The following GPR101 variants were observed in gnomAD, a reference collection of about 807,000 sequenced individuals.
GPR101 encodes the protein G protein-coupled receptor 101, also known as probable G protein-coupled receptor 101.
Under a neutral mutation model 16.4 loss-of-function variants are expected in GPR101, and 8 were observed. The ratio of observed to expected loss-of-function variants is 0.49; its 90% CI spans 0.29 to 0.88. The LOEUF is 0.88. Ranked by LOEUF, GPR101 falls within the 40% of genes least tolerant of loss-of-function variation. The pLI is 0.09. For missense variants in GPR101, 375 were observed against 411.7 expected (o/e 0.91, Z 0.77); for synonymous variants, 155 against 168.7 (o/e 0.92, Z 0.63).
intron 1 of GPR101, among the ~76,000 whole-genome samples, chrX:137,032,371 C>T (rs1927285161): frequency 9.0e-6 from 1 of 111,311 alleles, no homozygotes. Context: ...CTTGCGCTCT[C>T]GCTCCCTATC....
At position 137,031,072 on chromosome X, in the gene GPR101, G is replaced by A. The variant is rs759521947; in HGVS notation, c.603C>T (p.Ile201=). ...CAATCATGACAATCAGTGGAATGAC[G>A]ATGAAGGACACCACGCTGAGAATAG... ...SYTILSVVSF[I]VIPLIVMIAC... The change falls in exon 2 of 2, where the codon ATC becomes ATT. Residue 201 remains isoleucine, a synonymous_variant. Coordinates refer to ENST00000651716, the MANE Select transcript of GPR101 (RefSeq NM_054021.2). 7 of 1,211,967 alleles carry A rather than the reference G, an allele frequency of 5.8e-6. No homozygotes were observed. The highest frequency in any genetic ancestry group is 1.7e-5 in the African/African-American group (1 of 57,900).
rs1927136598 is a variant in GPR101 at position 137,024,338 on chromosome X, A to C, written c.*5810T>G. Among the ~76,000 whole-genome samples the C allele has an allele frequency of 8.9e-6, 1 of 112,207 alleles. No individual in the cohort carries two copies. The highest frequency in any genetic ancestry group is 3.2e-5 in the African/African-American group (1 of 30,875). On this transcript the variant is annotated 3_prime_UTR_variant, in exon 2 of 2. Transcript: ENST00000651716. ...AATGGGAACTTGGCCTCAGGACTGT[A>C]GTTTGACAATCCTTTGAGAAGGCAC...
chrX:137,030,534 G>A lies in GPR101; in HGVS notation c.1141C>T (p.Arg381Cys), dbSNP rs137929096. 67 of 1,208,500 alleles carry A rather than the reference G, an allele frequency of 5.5e-5. No homozygotes were observed. The highest frequency in any genetic ancestry group is 1.8e-4 in the African/African-American group (10 of 56,896). ...AGAGGAGGGTTGCTGTTGCTGTTAC[G>A]ACGACTGGGTGGGAGGCTCTCCGGG... is the stretch of plus-strand genomic sequence containing the variant. ...NIPESLPPSR[R>C]NSNSNPPLPR... Residue 381 changes from arginine to cysteine, a missense_variant, in exon 2 of 2, where the codon CGT (arginine) becomes TGT (cysteine). By Grantham distance (180) the Arg-to-Cys change is radical (BLOSUM62 -3). Coordinates refer to ENST00000651716, the MANE Select transcript of GPR101 (RefSeq NM_054021.2).
In GPR101 at chrX:137,025,337, C is replaced by T. The variant is rs1927154782; in HGVS notation, c.*4811G>A. On this transcript the variant is annotated 3_prime_UTR_variant, in exon 2 of 2. Transcript: ENST00000651716. ...TTGAGGACAACACTATCTACAAACA[C>T]AATCTAATATCTAGCACCGTATCTC... is the stretch of plus-strand genomic sequence containing the variant. 8.9e-6 allele frequency among the ~76,000 whole-genome samples: 1 copy of T among 112,351 alleles called. No homozygotes were observed. The highest frequency in any genetic ancestry group is 3.2e-5 in the African/African-American group (1 of 30,896).
rs1927142155 is a variant in GPR101, at chrX:137,024,708, T to C, written c.*5440A>G. Among the ~76,000 whole-genome samples, 1 of 111,068 alleles carries C rather than the reference T, an allele frequency of 9.0e-6. No homozygotes were observed. Among genetic ancestry groups the C allele is most frequent in the Admixed American group, 9.6e-5 (1 of 10,381 alleles). On this transcript the variant is annotated 3_prime_UTR_variant, in exon 2 of 2. Coordinates refer to ENST00000651716, the MANE Select transcript of GPR101 (RefSeq NM_054021.2). ...ACCTCTCTATCTAGTTAGCCATCCA[T>C]GCTGTCTCTATCTTGTCTCTCAGAC...
Position 137,027,661 on chromosome X carries a change from T to C in GPR101, c.*2487A>G, listed in dbSNP as rs1275818917. On this transcript the variant is annotated 3_prime_UTR_variant, in exon 2 of 2. Coordinates refer to ENST00000651716, the MANE Select transcript of GPR101 (RefSeq NM_054021.2). Reference sequence around the variant, plus strand: ...TGAGGAATCCAATTTACCAAAATAATGGACAATGACTAAAATAGGGAAAAG... The same window carrying C: ...TGAGGAATCCAATTTACCAAAATAACGGACAATGACTAAAATAGGGAAAAG... Among the ~76,000 whole-genome samples, 5 of 111,882 alleles carry C rather than the reference T, an allele frequency of 4.5e-5. No homozygotes were observed.
chrX:137,030,915 C>T lies in GPR101; in HGVS notation c.760G>A (p.Glu254Lys), dbSNP rs570565842. The change falls in exon 2 of 2, where the codon GAG becomes AAG. Residue 254 changes from glutamate (E) to lysine (K), a missense_variant. Transcript: ENST00000651716. ...NEDEEGAEKK[E>K]EFQDESEFRR... Reference sequence around the variant, plus strand: ...AACTCACTCTCATCCTGGAACTCCTCCTTCTTCTCTGCTCCCTCTTCATCC... The same window carrying T: ...AACTCACTCTCATCCTGGAACTCCTTCTTCTTCTCTGCTCCCTCTTCATCC... The T allele has an allele frequency of 1.9e-5, 23 of 1,210,303 alleles. No homozygotes were observed. The East Asian group carries it at 4.4e-4, about 23-fold the overall frequency.
chrX:137,033,001 T>A (rs1364671571), intron 1 of GPR101, among the ~76,000 whole-genome samples: 1 of 111,535 alleles, frequency 9.0e-6, no homozygotes, highest in Non-Finnish European at 1.9e-5. Context: ...TCTGGCTGGA[T>A]CTCTGTCTCT....
chrX:137,030,678 T>G lies in GPR101; in HGVS notation c.997A>C (p.Lys333Gln). ...ACCTCTGTGCGACCCTTGTCTGCCT[T>G]CATGCTGTTCTCCTCAACTTTGGTG... ...GSTKVEENSM[K>Q]ADKGRTEVNQ... is the part of the protein sequence containing the mutation. Residue 333 changes from lysine (K) to glutamine (Q), a missense_variant, in exon 2 of 2, where the codon AAG (lysine) becomes CAG (glutamine). Physicochemically the swap from Lys to Gln is moderately conservative, Grantham distance 53 (BLOSUM62 1). Coordinates refer to ENST00000651716, the MANE Select transcript of GPR101 (RefSeq NM_054021.2). 1 of 1,211,505 alleles carries G rather than the reference T, an allele frequency of 8.3e-7. No homozygotes were observed. The highest frequency in any genetic ancestry group is 1.1e-6 in the Non-Finnish European group (1 of 895,419).
rs1927198885 is a variant in GPR101 at position 137,028,401 on chromosome X, A to T, written c.*1747T>A. The stretch of plus-strand genomic sequence containing the variant: ...TGTTGAAATCTGTGAGGAGGAAGAG[A>T]TAAAAAAAAATAAATGAGCTGGGCA... On this transcript the variant is annotated 3_prime_UTR_variant, in exon 2 of 2. Transcript: ENST00000651716. Among the ~76,000 whole-genome samples the T allele has an allele frequency of 2.7e-5, 3 of 111,983 alleles. No homozygotes were observed. In the South Asian group the frequency reaches 1.1e-3, roughly 42 times the overall value.
rs1927226983 is a variant in GPR101, at chrX:137,030,065, T to G, written c.*83A>C. 1.2e-6 allele frequency: 1 copy of G among 862,727 alleles called. No individual in the cohort carries two copies. The highest frequency in any genetic ancestry group is 2.6e-5 in the South Asian group (1 of 38,333). 71.1% of individuals were successfully genotyped at this position (862,727 alleles called of 1,213,427 possible). A position where few individuals can be genotyped will look rare whatever the true frequency, so the allele number is the denominator to read the frequency against. ...TGCCTGAAATGGTATGGTTTGGCAT[T>G]AATGAATTGTGGGTCCATTGAAAAG... On this transcript the variant is annotated 3_prime_UTR_variant, in exon 2 of 2. Coordinates refer to ENST00000651716, the MANE Select transcript of GPR101 (RefSeq NM_054021.2).
intron 1 of GPR101, among the ~76,000 whole-genome samples, chrX:137,032,966 C>T (rs1186232973): frequency 4.5e-5 from 5 of 111,141 alleles, no homozygotes; most frequent in African/African-American, 1.6e-4. Context: ...CATCTTTTTC[C>T]CATGGCCCCT....
In GPR101 at chrX:137,028,235, T is replaced by C. The variant is rs757282618; in HGVS notation, c.*1913A>G. On this transcript the variant is annotated 3_prime_UTR_variant, in exon 2 of 2. Coordinates refer to ENST00000651716, the MANE Select transcript of GPR101 (RefSeq NM_054021.2). ...GTTGGAATTAATAAGGTTATCATGG[T>C]ATTTTTATTGGATGGGTCAGCTCTA... Among the ~76,000 whole-genome samples the C allele has an allele frequency of 8.0e-5, 9 of 112,153 alleles. No individual in the cohort carries two copies. Among genetic ancestry groups the C allele is most frequent in the African/African-American group, 2.9e-4 (9 of 30,909 alleles).
rs775664067 is a variant in GPR101 at position 137,030,055 on chromosome X, G to A, written c.*93C>T. 22 of 784,360 alleles carry A rather than the reference G, an allele frequency of 2.8e-5. No individual in the cohort carries two copies. Among genetic ancestry groups the A allele is most frequent in the Middle Eastern group, 3.0e-4 (1 of 3,374 alleles). The allele number at this position is 784,360 out of a possible 1,213,427, so 64.6% of individuals were successfully genotyped here. On this transcript the variant is annotated 3_prime_UTR_variant, in exon 2 of 2. Coordinates refer to ENST00000651716, the MANE Select transcript of GPR101 (RefSeq NM_054021.2). ...GCAACACCTTTGCCTGAAATGGTAT[G>A]GTTTGGCATTAATGAATTGTGGGTC...
rs1231313309 is a variant in GPR101, at chrX:137,027,408, C to CT, written c.*2739dup. Reference sequence around the variant, plus strand: ...TGAGGATCTGTGAGGCTAATGATGACTTTTTTTGTGTGCTTTCAGATTTTC... The same window carrying CT: ...TGAGGATCTGTGAGGCTAATGATGACTTTTTTTTGTGTGCTTTCAGATTTTC... On this transcript the variant is annotated 3_prime_UTR_variant, in exon 2 of 2. Transcript: ENST00000651716. Among the ~76,000 whole-genome samples, 2 of 108,350 alleles carry CT rather than the reference C, an allele frequency of 1.8e-5. No homozygotes were observed. Among genetic ancestry groups the CT allele is most frequent in the South Asian group, 4.1e-4 (1 of 2,442 alleles). The allele number at this position is 108,350 out of a possible 115,157, so 94.1% of individuals were successfully genotyped here. A position where few individuals can be genotyped will look rare whatever the true frequency, so the allele number is the denominator to read the frequency against.
chrX:137,025,850 A>T lies in GPR101; in HGVS notation c.*4298T>A, dbSNP rs190038326. On this transcript the variant is annotated 3_prime_UTR_variant, in exon 2 of 2. Transcript: ENST00000651716. ...TTGCTTAGGGCAAAAGACTGCTGTA[A>T]GCAAGCTGGGCATTTGACGTAGAGG... 3.5e-5 allele frequency among the ~76,000 whole-genome samples: 4 copies of T among 113,093 alleles called. No homozygotes were observed. Among genetic ancestry groups the T allele is most frequent in the Non-Finnish European group, 7.5e-5 (4 of 53,422 alleles).
At position 137,030,335 on chromosome X, in the gene GPR101, C is replaced by T. The variant is rs1439056545; in HGVS notation, c.1340G>A (p.Cys447Tyr). The T allele has an allele frequency of 8.3e-7, 1 of 1,208,005 alleles. No homozygotes were observed. The highest frequency in any genetic ancestry group is 2.2e-5 in the Admixed American group (1 of 45,696). Residue 447 changes from cysteine (C) to tyrosine (Y), a missense_variant, in exon 2 of 2, where the codon TGC (cysteine) becomes TAC (tyrosine). By Grantham distance (194) the Cys-to-Tyr change is radical. Coordinates refer to ENST00000651716, the MANE Select transcript of GPR101 (RefSeq NM_054021.2). Reference protein sequence around the residue: ...TIIIWLFFLQCCIHPYVYGYM... With the variant: ...TIIIWLFFLQYCIHPYVYGYM... ...GCCATAGACATAGGGGTGGATGCAG[C>T]ACTGCAGGAAGAAAAGCCAGATGAT...
At position 137,024,255 on chromosome X, in the gene GPR101, T is replaced by G. The variant is rs1927135447; in HGVS notation, c.*5893A>C. Reference sequence around the variant, plus strand: ...TGGGGTGTGAGTGGGATTCTCTTCTTGTTGAGGGGAGGAAGATAAAGCCTA... The same window carrying G: ...TGGGGTGTGAGTGGGATTCTCTTCTGGTTGAGGGGAGGAAGATAAAGCCTA... On this transcript the variant is annotated 3_prime_UTR_variant, in exon 2 of 2. Coordinates refer to ENST00000651716, the MANE Select transcript of GPR101 (RefSeq NM_054021.2). Among the ~76,000 whole-genome samples the G allele has an allele frequency of 8.9e-6, 1 of 111,839 alleles. No individual in the cohort carries two copies. The highest frequency in any genetic ancestry group is 1.9e-5 in the Non-Finnish European group (1 of 53,209).
rs1252088946 is a variant in GPR101, at chrX:137,028,210, G to C, written c.*1938C>G. On this transcript the variant is annotated 3_prime_UTR_variant, in exon 2 of 2. Coordinates refer to ENST00000651716, the MANE Select transcript of GPR101 (RefSeq NM_054021.2). Reference sequence around the variant, plus strand: ...TAACTACAAGTTCCAAATTAATGGAGTTGGAATTAATAAGGTTATCATGGT... The same window carrying C: ...TAACTACAAGTTCCAAATTAATGGACTTGGAATTAATAAGGTTATCATGGT... 8.9e-6 allele frequency among the ~76,000 whole-genome samples: 1 copy of C among 112,259 alleles called. No homozygotes were observed. The highest frequency in any genetic ancestry group is 3.2e-5 in the African/African-American group (1 of 30,896).
Sources: gnomAD v4.1 joint callset for allele counts (sites outside exome capture counted in the v4.1 genomes callset) on GRCh38, gnomAD v4.1.1 for gene constraint, MANE v1.5 for transcripts, NCBI Gene and HGNC (gene_info 2026-07-23, HGNC 2026-07-21) for gene names.